Variants in PRKCB observed in about 807,000 individuals in gnomAD.
PRKCB encodes protein kinase C beta type.
A neutral mutation model predicts 81.5 loss-of-function variants in PRKCB; 13 were observed. The ratio of observed to expected loss-of-function variants is 0.16; its 90% CI spans 0.10 to 0.25. The LOEUF (loss-of-function observed/expected upper bound fraction) is 0.25. Among genes scored for constraint, PRKCB ranks in the 10% least tolerant of loss-of-function variants. PRKCB has a pLI of 1.00. For missense variants in PRKCB, 509 were observed against 875.7 expected (o/e 0.58, Z 5.29); for synonymous variants, 335 against 321.4 (o/e 1.04, Z -0.45).
chr16:23,960,962 C>T (rs757637854), intron 2 of PRKCB, among the ~76,000 whole-genome samples: 1 of 152,244 alleles, frequency 6.6e-6, no homozygotes, highest in Non-Finnish European at 1.5e-5. Context: ...TCTTAAAATT[C>T]TTCCCCATTT....
Position 24,013,269 on chromosome 16 carries a change from G to A in PRKCB, c.289-18867G>A, listed in dbSNP as rs533029101. Reference sequence around the variant, plus strand: ...ATTAGGTTGGTGCAAAAGTAATTGCGGTTTTTGCTATTGTAAATAATGGTG... The same window carrying A: ...ATTAGGTTGGTGCAAAAGTAATTGCAGTTTTTGCTATTGTAAATAATGGTG... On this transcript the variant is annotated intron_variant, in intron 3 of 16. Coordinates refer to ENST00000643927, the MANE Select transcript of PRKCB (RefSeq NM_002738.7). 9.2e-5 allele frequency among the ~76,000 whole-genome samples: 14 copies of A among 152,148 alleles called. 1 individual carries two copies. Among genetic ancestry groups the A allele is most frequent in the South Asian group, 6.2e-4 (3 of 4,808 alleles).
At position 24,142,996 on chromosome 16, in the gene PRKCB, T is replaced by C. The variant is rs926177760; in HGVS notation, c.1066-11688T>C. On this transcript the variant is annotated intron_variant, in intron 9 of 16. Coordinates refer to ENST00000643927, the MANE Select transcript of PRKCB (RefSeq NM_002738.7). ...AGGCCTACAGTATATACACATGAGC[T>C]GTAACTTGCTTGTCTGTCCCTCCCC... Among the ~76,000 whole-genome samples, 3 of 152,142 alleles carry C rather than the reference T, an allele frequency of 2.0e-5. No individual in the cohort carries two copies. In the East Asian group the frequency reaches 5.8e-4, roughly 29 times the overall value.
At chr16:23,940,607 T>A (rs1964129275) in intron 2 of PRKCB, among the ~76,000 whole-genome samples, 1 of 152,024 alleles carries the variant, frequency 6.6e-6, no homozygotes, top group African/African-American at 2.4e-5. Context: ...TACTTCTAAT[T>A]ATATATTTAA....
At chr16:24,011,378 C>T (rs1308486445) in intron 3 of PRKCB, among the ~76,000 whole-genome samples, 1 of 152,160 alleles carries the variant, frequency 6.6e-6, no homozygotes, top group African/African-American at 2.4e-5. Context: ...TGGATGAGAG[C>T]AGAGTGAAAT....
At chr16:24,081,601 G>A (rs62027369) in intron 5 of PRKCB, among the ~76,000 whole-genome samples, 2,751 of 152,200 alleles carry the variant, frequency 0.018, 32 homozygotes, top group Middle Eastern at 0.037. Context: ...GGCTCGGCTC[G>A]GTGGCTCATG....
At chr16:24,185,409 G>C in intron 14 of PRKCB, 51 bp from the exon 15 acceptor site, 1 of 1,534,280 alleles carries the variant, frequency 6.5e-7, no homozygotes, top group Non-Finnish European at 9.0e-7. Context: ...GGGAGCTAGG[G>C]GGAGGGTTCA....
intron 2 of PRKCB, among the ~76,000 whole-genome samples, chr16:23,976,416 C>A (rs1380152832): frequency 6.6e-6 from 1 of 152,130 alleles, no homozygotes; most frequent in South Asian, 2.1e-4. Flanking sequence ...CAGCAAAAGT[C>A]CTGAAGCTGA....
chr16:24,092,654 A>G (rs1336167855), intron 5 of PRKCB, 137 bp from the exon 6 acceptor site: 2 of 787,046 alleles, frequency 2.5e-6, no homozygotes, highest in East Asian at 2.6e-5. Context: ...TGCTTCAGCT[A>G]TGGATGTTAA....
intron 2 of PRKCB, among the ~76,000 whole-genome samples, chr16:23,902,867 G>C (rs1025688441): frequency 2.7e-5 from 4 of 146,182 alleles, no homozygotes; most frequent in African/African-American, 7.6e-5. Flanking sequence ...GCAGTGTCAC[G>C]ATCGTAGTTC....
chr16:24,111,720 C>T (rs1966678639), intron 7 of PRKCB, among the ~76,000 whole-genome samples: 1 of 151,980 alleles, frequency 6.6e-6, no homozygotes, highest in African/African-American at 2.4e-5. Flanking sequence ...ATTGTTTGAG[C>T]CCAGGAGGTC....
At chr16:24,007,132 A>G (rs1965135484) in intron 3 of PRKCB, among the ~76,000 whole-genome samples, 1 of 152,186 alleles carries the variant, frequency 6.6e-6, no homozygotes, top group Admixed American at 6.5e-5. Context: ...CTAGTTACCT[A>G]ACCTCCCTGC....
At chr16:23,903,659 A>G (rs1335521724) in intron 2 of PRKCB, among the ~76,000 whole-genome samples, 1 of 152,134 alleles carries the variant, frequency 6.6e-6, no homozygotes, top group Non-Finnish European at 1.5e-5. Context: ...CAGCAGTGGA[A>G]TTGTTCTTGG....
chr16:24,220,085 C>G lies in PRKCB; in HGVS notation c.*5269C>G. Reference sequence around the variant, plus strand: ...AATGAATTTGCTGGCTTCTCTTATACTAACCCAGAGTTTGTCATTAATGTG... The same window carrying G: ...AATGAATTTGCTGGCTTCTCTTATAGTAACCCAGAGTTTGTCATTAATGTG... On this transcript the variant is annotated 3_prime_UTR_variant, in exon 17 of 17. Coordinates refer to ENST00000643927, the MANE Select transcript of PRKCB (RefSeq NM_002738.7). The G allele has an allele frequency of 6.2e-7, 1 of 1,614,166 alleles. No individual in the cohort carries two copies. Among genetic ancestry groups the G allele is most frequent in the Non-Finnish European group, 8.5e-7 (1 of 1,180,006 alleles).
intron 3 of PRKCB, among the ~76,000 whole-genome samples, chr16:24,016,748 C>G (rs773915468): frequency 6.6e-6 from 1 of 152,170 alleles, no homozygotes; most frequent in Non-Finnish European, 1.5e-5. Flanking sequence ...CCTAGCTCCC[C>G]CAATCTGTTT....
At chr16:23,837,561 A>G (rs969308510) in intron 2 of PRKCB, among the ~76,000 whole-genome samples, 155 bp downstream of exon 2, 2 of 152,140 alleles carry the variant, frequency 1.3e-5, no homozygotes, top group African/African-American at 4.8e-5. Context: ...GGGTCCTTTC[A>G]AGGGGTGTGT....
At chr16:23,927,461 A>G (rs1467407428) in intron 2 of PRKCB, among the ~76,000 whole-genome samples, 1 of 151,850 alleles carries the variant, frequency 6.6e-6, no homozygotes, top group African/African-American at 2.4e-5. Context: ...TGTACATTTT[A>G]TTCTGAGAGT....
intron 9 of PRKCB, among the ~76,000 whole-genome samples, chr16:24,134,259 T>C (rs916682005): frequency 3.9e-5 from 6 of 152,138 alleles, no homozygotes; most frequent in Non-Finnish European, 8.8e-5. Context: ...CCTTTCTCTC[T>C]TTTTGACTTT....
At chr16:23,921,637 C>T (rs923731070) in intron 2 of PRKCB, among the ~76,000 whole-genome samples, 1 of 152,128 alleles carries the variant, frequency 6.6e-6, no homozygotes, top group African/African-American at 2.4e-5. Context: ...CCTGTTTCTA[C>T]TAAAAATACA....
At position 24,123,877 on chromosome 16, in the gene PRKCB, A is replaced by G. The variant is rs1185075927; in HGVS notation, c.961A>G (p.Thr321Ala). ...SQGTKVPEEK[T>A]TNTVSKFDNN... ...GGGAACCAAGGTCCCGGAAGAAAAG[A>G]CGACCAACACTGTCTCCAAATTTGA... The change falls in exon 9 of 17, where the codon ACG becomes GCG. Residue 321 changes from threonine (T) to alanine (A), a missense_variant. Thr to Ala is a moderately conservative substitution (Grantham distance 58, BLOSUM62 0). Coordinates refer to ENST00000643927, the MANE Select transcript of PRKCB (RefSeq NM_002738.7). The G allele has an allele frequency of 3.1e-6, 5 of 1,614,184 alleles. No homozygotes were observed. The highest frequency in any genetic ancestry group is 4.2e-6 in the Non-Finnish European group (5 of 1,180,022).
Sources: gnomAD v4.1 joint callset for allele counts (sites outside exome capture counted in the v4.1 genomes callset) on GRCh38, gnomAD v4.1.1 for gene constraint, MANE v1.5 for transcripts, NCBI Gene and HGNC (gene_info 2026-07-23, HGNC 2026-07-21) for gene names.